KCNH1: variants seen among roughly 807,000 people sequenced by gnomAD.
KCNH1 encodes the protein voltage-gated delayed rectifier potassium channel KCNH1.
A neutral mutation model predicts 69.2 loss-of-function variants in KCNH1; 27 were observed. That is an observed-to-expected ratio of 0.39 (90% CI 0.29 to 0.54). The LOEUF (loss-of-function observed/expected upper bound fraction) is 0.54. Among genes scored for constraint, KCNH1 ranks in the 20% least tolerant of loss-of-function variants. The probability of loss-of-function intolerance (pLI) is 0.68; values close to 1 mark genes in which losing one functional copy is unlikely to be tolerated. For synonymous variants in KCNH1, 456 were observed against 487.7 expected, an observed-to-expected ratio of 0.93 and a Z score of 0.86; for missense variants, 798 against 1,261.6, an observed-to-expected ratio of 0.63 and a Z score of 5.57.
At chr1:210,984,446 C>A (rs1688786518) in intron 6 of KCNH1, among the ~76,000 whole-genome samples, 1 of 152,062 alleles carries the variant, frequency 6.6e-6, no homozygotes, top group South Asian at 2.1e-4. Flanking sequence ...GAGATACGTC[C>A]CATCAATACC....
intron 10 of KCNH1, among the ~76,000 whole-genome samples, chr1:210,765,773 AC>A (rs895882838): frequency 2.6e-5 from 4 of 152,268 alleles, no homozygotes; most frequent in African/African-American, 9.6e-5. Context: ...AAGAATATAC[AC>A]CAATAGGCCA....
intron 4 of KCNH1, among the ~76,000 whole-genome samples, chr1:211,087,606 T>TACACAC (rs59377189): frequency 5.0e-4 from 71 of 142,770 alleles, no homozygotes; most frequent in African/African-American, 1.8e-3. Flanking sequence ...CCTTTAAGCA[T>TACACAC]ACACACACAC....
chr1:210,852,989 T>C (rs1161608116), intron 7 of KCNH1, among the ~76,000 whole-genome samples: 1 of 152,166 alleles, frequency 6.6e-6, no homozygotes, highest in Non-Finnish European at 1.5e-5. Flanking sequence ...AGTTCCAACA[T>C]TTCCATCATG....
intron 5 of KCNH1, among the ~76,000 whole-genome samples, chr1:211,061,399 G>T (rs1233357222): frequency 6.6e-6 from 1 of 152,080 alleles, no homozygotes; most frequent in Non-Finnish European, 1.5e-5. Context: ...CTAAAATCTG[G>T]AATGAGACAG....
chr1:210,762,766 G>A (rs1683548516), intron 10 of KCNH1, among the ~76,000 whole-genome samples: 1 of 151,976 alleles, frequency 6.6e-6, no homozygotes, highest in African/African-American at 2.4e-5. Flanking sequence ...TGGACCAGAT[G>A]GATTCACAGC....
chr1:210,850,317 G>C (rs1280189634), intron 7 of KCNH1, among the ~76,000 whole-genome samples: 1 of 151,950 alleles, frequency 6.6e-6, no homozygotes, highest in Non-Finnish European at 1.5e-5. Flanking sequence ...AGCCAACATG[G>C]TGAAACCCAG....
At chr1:211,117,432 C>T (rs1691602107) in intron 1 of KCNH1, among the ~76,000 whole-genome samples, 1 of 152,158 alleles carries the variant, frequency 6.6e-6, no homozygotes, top group Admixed American at 6.5e-5. Flanking sequence ...GATCTGGTGA[C>T]TTCTGCTCCT....
chr1:211,060,959 C>T (rs917628482), intron 5 of KCNH1, among the ~76,000 whole-genome samples: 1 of 152,090 alleles, frequency 6.6e-6, no homozygotes, highest in Non-Finnish European at 1.5e-5. Flanking sequence ...ACTCATTCTA[C>T]AAGGACAGTA....
chr1:210,981,677 T>C (rs144058622), intron 6 of KCNH1, among the ~76,000 whole-genome samples: 1 of 152,280 alleles, frequency 6.6e-6, no homozygotes, highest in East Asian at 1.9e-4. Context: ...ATCTGTACTG[T>C]CAAATGAAAC....
At chr1:210,737,241 C>T (rs755340359) in intron 10 of KCNH1, among the ~76,000 whole-genome samples, 6 of 151,916 alleles carry the variant, frequency 3.9e-5, no homozygotes, top group African/African-American at 1.2e-4. Context: ...AGAGTAACTA[C>T]GAGGAAAGAC....
chr1:210,715,803 AC>A (rs1360136984), intron 10 of KCNH1, among the ~76,000 whole-genome samples: 8 of 152,142 alleles, frequency 5.3e-5, no homozygotes, highest in Admixed American at 3.9e-4. Flanking sequence ...ATGTAGCTCA[AC>A]CAACAACCTC....
At chr1:210,835,815 A>G (rs1317490976) in intron 7 of KCNH1, among the ~76,000 whole-genome samples, 1 of 152,098 alleles carries the variant, frequency 6.6e-6, no homozygotes, top group African/African-American at 2.4e-5. Context: ...TCTGGCCTCA[A>G]TGAGAACAAC....
chr1:211,041,726 T>C (rs1433788115), intron 5 of KCNH1, among the ~76,000 whole-genome samples: 1 of 152,114 alleles, frequency 6.6e-6, no homozygotes, highest in Non-Finnish European at 1.5e-5. Flanking sequence ...CCCTTCTGAC[T>C]TCACCAAGCA....
At chr1:210,704,606 G>A (rs935179945) in intron 10 of KCNH1, among the ~76,000 whole-genome samples, 3 of 152,120 alleles carry the variant, frequency 2.0e-5, no homozygotes, top group Non-Finnish European at 4.4e-5. Flanking sequence ...ACATATATGG[G>A]GCAAGTGTCC....
chr1:210,921,194 T>C (rs775013580), intron 6 of KCNH1, among the ~76,000 whole-genome samples: 49 of 152,198 alleles, frequency 3.2e-4, no homozygotes, highest in Non-Finnish European at 6.2e-4. Flanking sequence ...AGAAGCCACA[T>C]CATTTAAAAC....
chr1:210,895,314 T>G (rs1686841815), intron 7 of KCNH1, among the ~76,000 whole-genome samples: 3 of 152,174 alleles, frequency 2.0e-5, no homozygotes. Flanking sequence ...TTATTCATTT[T>G]CACATCTTCA....
chr1:210,777,763 C>A (rs913086534), intron 9 of KCNH1, among the ~76,000 whole-genome samples: 2 of 152,184 alleles, frequency 1.3e-5, no homozygotes, highest in African/African-American at 4.8e-5. Context: ...AAAAAATAGG[C>A]CCCATCCATT....
At chr1:210,924,998 GAA>G (rs1450355835) in intron 6 of KCNH1, among the ~76,000 whole-genome samples, 2 of 151,624 alleles carry the variant, frequency 1.3e-5, no homozygotes, top group Admixed American at 1.3e-4. Context: ...CATACTTACA[GAA>G]AAGAGTCTTT....
chr1:210,838,774 A>C (rs1474654978), intron 7 of KCNH1, among the ~76,000 whole-genome samples: 1 of 152,242 alleles, frequency 6.6e-6, no homozygotes, highest in African/African-American at 2.4e-5. Flanking sequence ...ACACTTCTCA[A>C]AAGAAGACAT....
Sources: gnomAD v4.1 joint callset for allele counts (sites outside exome capture counted in the v4.1 genomes callset) on GRCh38, gnomAD v4.1.1 for gene constraint, MANE v1.5 for transcripts, NCBI Gene and HGNC (gene_info 2026-07-23, HGNC 2026-07-21) for gene names.